Variants in TMEM268 observed in about 807,000 individuals in gnomAD.
TMEM268 encodes the protein transmembrane protein 268.
Under a neutral mutation model 39.1 loss-of-function variants are expected in TMEM268, and 24 were observed. The observed-to-expected ratio is 0.61, with a 90% CI of 0.44 to 0.86. The LOEUF is 0.86. TMEM268 is among the 40% of genes least tolerant of loss of function. TMEM268 has a pLI of 0.00. For missense variants in TMEM268, 409 were observed against 428.6 expected, an observed-to-expected ratio of 0.95 and a Z score of 0.40; for synonymous variants, 176 against 173.5, an observed-to-expected ratio of 1.01 and a Z score of -0.12.
At chr9:114,618,624 C>G (rs1845826869) in intron 2 of TMEM268, among the ~76,000 whole-genome samples, 2 of 151,892 alleles carry the variant, frequency 1.3e-5, no homozygotes, top group South Asian at 4.1e-4. Context: ...GATCACACCA[C>G]TGGACTCCAG....
chr9:114,631,812 G>C (rs2900588), intron 5 of TMEM268, among the ~76,000 whole-genome samples: 104,665 of 151,986 alleles, frequency 0.69, 36,202 homozygotes, highest in East Asian at 0.73. Context: ...AAACAATCAC[G>C]TTAAGTGGCT....
chr9:114,625,192 T>A (rs1219635231), intron 3 of TMEM268, among the ~76,000 whole-genome samples: 1 of 152,190 alleles, frequency 6.6e-6, no homozygotes, highest in East Asian at 1.9e-4. Flanking sequence ...AAGGGGTTTT[T>A]GTTAAGATTA....
rs1337063659 is a variant in TMEM268 at position 114,616,131 on chromosome 9, T to C, written c.-78-987T>C. Among the ~76,000 whole-genome samples, 4 of 149,262 alleles carry C rather than the reference T, an allele frequency of 2.7e-5. No individual in the cohort carries two copies. In the East Asian group the frequency reaches 8.0e-4, roughly 30 times the overall value. ...CCCGGGTTCACGCCATTCTCCTGCC[T>C]CAGCCTCCCAAGTAGCTGGGACTAC... On this transcript the variant is annotated intron_variant, in intron 1 of 8. Transcript: ENST00000288502.
rs78322817 is a variant in TMEM268, at chr9:114,642,101, G to A, written c.850-1033G>A. Among the ~76,000 whole-genome samples, 586 of 152,004 alleles carry A rather than the reference G, an allele frequency of 3.9e-3. 1 individual carries two copies. The highest frequency in any genetic ancestry group is 9.7e-3 in the East Asian group (50 of 5,176). ...CAGCAGCATGAGGTACATTCACATC[G>A]TTATGCAACCATCACCATCAGCCAT... On this transcript the variant is annotated intron_variant, in intron 8 of 8. Transcript: ENST00000288502.
chr9:114,615,679 GT>G (rs1172649164), intron 1 of TMEM268: 1 of 151,738 alleles, frequency 6.6e-6, no homozygotes, highest in African/African-American at 2.4e-5. Flanking sequence ...GGGTATTTTT[GT>G]TCTCTGTGGC....
intron 2 of TMEM268, among the ~76,000 whole-genome samples, chr9:114,623,264 C>A (rs1259949933): frequency 2.0e-5 from 3 of 152,108 alleles, no homozygotes; most frequent in African/African-American, 7.2e-5. Context: ...AATTCTGCCT[C>A]AGCCTCCCCA....
chr9:114,627,032 G>A, intron 4 of TMEM268, 26 bp downstream of exon 4: 1 of 1,506,044 alleles, frequency 6.6e-7, no homozygotes, highest in Non-Finnish European at 9.2e-7. Flanking sequence ...CCCGCACACT[G>A]ACCCTGCCCT....
Position 114,641,406 on chromosome 9 carries a change from A to G in TMEM268, c.850-1728A>G, listed in dbSNP as rs779118980. 4.3e-4 allele frequency among the ~76,000 whole-genome samples: 66 copies of G among 152,330 alleles called. 1 individual carries two copies. The highest frequency in any genetic ancestry group is 3.9e-4 in the Admixed American group (6 of 15,304). ...CCACACTTCATTTCATTACATTCAG[A>G]GTGGACACAAGTATTGCAAAAGAGC... is the stretch of plus-strand genomic sequence containing the variant. On this transcript the variant is annotated intron_variant, in intron 8 of 8. Transcript: ENST00000288502.
rs769626474 is a variant in TMEM268, at chr9:114,617,222, G to C, written c.27G>C (p.Pro9=). The change falls in exon 2 of 9, where the codon CCG becomes CCC. Residue 9 remains proline (P), a synonymous_variant. Coordinates refer to ENST00000288502, the MANE Select transcript of TMEM268 (RefSeq NM_153045.4). MACEPQVD[P]GATGPLPPSS... is the part of the protein sequence containing the mutation. ...TGGCCTGTGAACCACAGGTGGACCCGGGGGCCACTGGCCCATTGCCCCCCT... is the reference window on the plus strand; with the variant it reads ...TGGCCTGTGAACCACAGGTGGACCCCGGGGCCACTGGCCCATTGCCCCCCT... 1.2e-6 allele frequency: 2 copies of C among 1,608,258 alleles called. No homozygotes were observed. Among genetic ancestry groups the C allele is most frequent in the East Asian group, 2.2e-5 (1 of 44,654 alleles).
At chr9:114,606,846 C>A (rs1263321048), upstream of TMEM268, among the ~76,000 whole-genome samples, 1 of 141,622 alleles carries the variant, frequency 7.1e-6, no homozygotes, top group Non-Finnish European at 1.5e-5. Flanking sequence ...ATAACTGGCA[C>A]ATGAGCTCCA....
chr9:114,609,312 AAAACAAACAAAC>A (rs200839078), upstream of TMEM268, among the ~76,000 whole-genome samples: 23 of 149,918 alleles, frequency 1.5e-4, no homozygotes, highest in African/African-American at 2.2e-4. Flanking sequence ...CCCCATCTCA[AAAACAAACAAAC>A]AAACAAACAA....
intron 8 of TMEM268, among the ~76,000 whole-genome samples, chr9:114,639,196 T>A (rs1846781956): frequency 6.6e-6 from 1 of 152,112 alleles, no homozygotes; most frequent in Admixed American, 6.6e-5. Context: ...GGTGCAGTGG[T>A]GTGATCACTG....
At chr9:114,630,828 T>C (rs1393216834) in intron 5 of TMEM268, among the ~76,000 whole-genome samples, 2 of 152,152 alleles carry the variant, frequency 1.3e-5, no homozygotes, top group African/African-American at 2.4e-5. Flanking sequence ...AGGTCTTCTT[T>C]TGGGTCTCAG....
intron 4 of TMEM268, among the ~76,000 whole-genome samples, chr9:114,627,710 G>A (rs1846222260): frequency 6.6e-6 from 1 of 152,134 alleles, no homozygotes; most frequent in South Asian, 2.1e-4. Flanking sequence ...CGTGAAATAG[G>A]TGTTATTATC....
Position 114,643,173 on chromosome 9 carries a change from T to C in TMEM268, c.889T>C (p.Tyr297His), listed in dbSNP as rs755622963. The C allele has an allele frequency of 2.5e-6, 4 of 1,614,182 alleles. No individual in the cohort carries two copies. In the South Asian group the frequency reaches 4.4e-5, roughly 18 times the overall value. Reference sequence around the variant, plus strand: ...GCTGCTGGCAGTGTTTGGCGGCTACTACATCCGGCTTCTAGTGACCTCCCA... The same window carrying C: ...GCTGCTGGCAGTGTTTGGCGGCTACCACATCCGGCTTCTAGTGACCTCCCA... ...RQLLAVFGGY[Y>H]IRLLVTSQLP... The change falls in exon 9 of 9, where the codon TAC becomes CAC. Residue 297 changes from tyrosine to histidine, a missense_variant. Transcript: ENST00000288502.
At position 114,617,121 on chromosome 9, in the gene TMEM268, TATG is replaced by T; in HGVS notation, c.-71_-69del. ...TTTTTTGTGCTGTTTTCTGAAGGCATATGATGCTGAGCTGGCTGCTCCAGAATG... is the reference window on the plus strand; with the variant it reads ...TTTTTTGTGCTGTTTTCTGAAGGCATATGCTGAGCTGGCTGCTCCAGAATG... On this transcript the variant is annotated 5_prime_UTR_variant, in exon 2 of 9. The change abolishes an upstream ATG in the 5' untranslated region. Transcript: ENST00000288502. The T allele has an allele frequency of 1.0e-6, 1 of 961,776 alleles. No homozygotes were observed. Among genetic ancestry groups the T allele is most frequent in the South Asian group, 1.5e-5 (1 of 65,604 alleles). The allele number at this position is 961,776 out of a possible 1,614,324, so 59.6% of individuals were successfully genotyped here.
chr9:114,615,431 A>C (rs1303263867), intron 1 of TMEM268: 3 of 152,380 alleles, frequency 2.0e-5, no homozygotes, highest in African/African-American at 7.2e-5. Flanking sequence ...GAGGTGGTAG[A>C]GCTGGCTTAA....
chr9:114,637,585 C>A (rs1249681260), intron 7 of TMEM268, among the ~76,000 whole-genome samples: 1 of 152,024 alleles, frequency 6.6e-6, no homozygotes, highest in Admixed American at 6.6e-5. Context: ...TGAGCCACCA[C>A]GCCCGGCCAT....
At chr9:114,637,165 G>A (rs1047323453) in intron 7 of TMEM268, 95 bp downstream of exon 7, 19 of 801,632 alleles carry the variant, frequency 2.4e-5, no homozygotes, top group African/African-American at 2.2e-4. Context: ...CTGAGAAAAA[G>A]TTACTTGGAA....
Sources: gnomAD v4.1 joint callset for allele counts (sites outside exome capture counted in the v4.1 genomes callset) on GRCh38, gnomAD v4.1.1 for gene constraint, MANE v1.5 for transcripts, NCBI Gene and HGNC (gene_info 2026-07-23, HGNC 2026-07-21) for gene names.